ATXN7L3: variants seen among roughly 807,000 people sequenced by gnomAD.
ATXN7L3 encodes ataxin-7-like protein 3.
A neutral mutation model predicts 50.0 loss-of-function variants in ATXN7L3; 6 were observed. The ratio of observed to expected loss-of-function variants is 0.12; its 90% confidence interval spans 0.07 to 0.24. The LOEUF (loss-of-function observed/expected upper bound fraction) is 0.24. Ranked by LOEUF, ATXN7L3 falls within the 10% of genes least tolerant of loss-of-function variation. The pLI, the probability that ATXN7L3 is intolerant of heterozygous loss-of-function variation, is 1.00. For synonymous variants in ATXN7L3, 198 were observed against 165.8 expected (o/e 1.19, Z -1.49); for missense variants, 322 against 451.3 (o/e 0.71, Z 2.60).
At chr17:44,194,729 C>A in intron 11 of ATXN7L3, 39 bp downstream of exon 11, 1 of 1,613,768 alleles carries the variant, frequency 6.2e-7, no homozygotes, top group Non-Finnish European at 8.5e-7. Flanking sequence ...ATCGCCCTAA[C>A]TGGTCACAAC....
rs371794161 is a variant in ATXN7L3 at position 44,195,420 on chromosome 17, G to A, written c.620C>T (p.Thr207Met). The change falls in exon 9 of 13, where the codon ACG becomes ATG. Residue 207 changes from threonine to methionine, a missense_variant and splice_region_variant. Transcript: ENST00000587097. Reference sequence around the variant, plus strand: ...TCTCTCTTGCTGGTCCTCCCTCACCGTGGTTAGCAGGCTGCGAAGCTCCTC... The same window carrying A: ...TCTCTCTTGCTGGTCCTCCCTCACCATGGTTAGCAGGCTGCGAAGCTCCTC... ...GPEELRSLLTTQCGVISEHTK... is the reference protein window; with the variant it reads ...GPEELRSLLTMQCGVISEHTK... 14 of 1,613,640 alleles carry A rather than the reference G, an allele frequency of 8.7e-6. No individual in the cohort carries two copies. The highest frequency in any genetic ancestry group is 4.0e-5 in the African/African-American group (3 of 74,874).
rs201297526 is a variant in ATXN7L3 at position 44,198,088 on chromosome 17, G to T, written c.-18C>A. On this transcript the variant is annotated 5_prime_UTR_variant, in exon 2 of 13. Coordinates refer to ENST00000587097, the MANE Select transcript of ATXN7L3 (RefSeq NM_001382309.1). ...ATTTTCATTTGTAAACTCTTGTGGA[G>T]ACGGCGCTCTGACTGCTCATAGCAC... The T allele has an allele frequency of 1.6e-4, 266 of 1,613,736 alleles. No homozygotes were observed. In the African/African-American group the frequency reaches 3.3e-3, roughly 20 times the overall value.
In ATXN7L3 at chr17:44,196,949, G is replaced by T; in HGVS notation, c.434C>A (p.Ser145Tyr). ...AGCACCTTTCTTCTCCGAGCCATAG[G>T]ACCAGTCGTTGTCATTGATGTCATC... ...DNDDINDNDW[S>Y]YGSEKKAKKR... Residue 145 changes from serine to tyrosine, a missense_variant, in exon 5 of 13, where the codon TCC (serine) becomes TAC (tyrosine). By Grantham distance (144) the Ser-to-Tyr change is moderately radical. Coordinates refer to ENST00000587097, the MANE Select transcript of ATXN7L3 (RefSeq NM_001382309.1). 2 of 1,613,542 alleles carry T rather than the reference G, an allele frequency of 1.2e-6. No individual in the cohort carries two copies. Among genetic ancestry groups the T allele is most frequent in the South Asian group, 1.1e-5 (1 of 91,026 alleles).
At chr17:44,195,908 T>C in intron 7 of ATXN7L3, 80 bp from the exon 8 acceptor site, 1 of 1,570,506 alleles carries the variant, frequency 6.4e-7, no homozygotes, top group Non-Finnish European at 8.7e-7. Context: ...AGAGAGGAAG[T>C]GGGGGTGACA....
At chr17:44,195,960 C>A in intron 7 of ATXN7L3, 74 bp downstream of exon 7, 1 of 1,569,976 alleles carries the variant, frequency 6.4e-7, no homozygotes, top group Non-Finnish European at 8.7e-7. Context: ...ATCCCCGGGC[C>A]CCACCTCCAC....
intron 1 of ATXN7L3, chr17:44,198,579 T>TG (rs1036209958): frequency 5.8e-5 from 9 of 154,312 alleles, no homozygotes; most frequent in East Asian, 3.8e-4. Flanking sequence ...GATGTCCACT[T>TG]GGGGGGGTAC....
At chr17:44,195,541 C>A (rs2285951) in intron 8 of ATXN7L3, 54 bp from the exon 9 acceptor site, 1 of 1,546,726 alleles carries the variant, frequency 6.5e-7, no homozygotes, top group African/African-American at 1.4e-5. Context: ...AAGAGAAGGA[C>A]AGGGGTGGAA....
chr17:44,195,968 C>A, intron 7 of ATXN7L3, 66 bp downstream of exon 7: 1 of 1,574,144 alleles, frequency 6.4e-7, no homozygotes, highest in Non-Finnish European at 8.7e-7. Context: ...GCCCCACCTC[C>A]ACCCCCCGGC....
chr17:44,194,167 A>G lies in ATXN7L3; in HGVS notation c.*96T>C, dbSNP rs2055794831. ...TGGCCCACCAAGCTTCCCAAGCCCC[A>G]ACCCCCAGCAGCCGTCCATTTGCCA... On this transcript the variant is annotated 3_prime_UTR_variant, in exon 13 of 13. Transcript: ENST00000587097. 2.0e-6 allele frequency: 3 copies of G among 1,497,668 alleles called. No homozygotes were observed. The highest frequency in any genetic ancestry group is 1.8e-6 in the Non-Finnish European group (2 of 1,113,004). The allele number at this position is 1,497,668 out of a possible 1,614,324, so 92.8% of individuals were successfully genotyped here. A position where few individuals can be genotyped will look rare whatever the true frequency, so the allele number is the denominator to read the frequency against.
At chr17:44,197,998 G>A (rs2055984215) in intron 2 of ATXN7L3, 22 bp downstream of exon 2, 2 of 1,609,912 alleles carry the variant, frequency 1.2e-6, no homozygotes, top group Non-Finnish European at 1.7e-6. Flanking sequence ...AGAACTGGAG[G>A]CACACGTGGG....
chr17:44,194,458 G>C lies in ATXN7L3; in HGVS notation c.896-47C>G, dbSNP rs374683470. On this transcript the variant is annotated intron_variant, in intron 12 of 12. Transcript: ENST00000587097. ...GGATGAGAGTATGGTTATGGCAGGA[G>C]AGGTGGCACCCCCATGGCTTTGGGC... 251 of 1,613,292 alleles carry C rather than the reference G, an allele frequency of 1.6e-4. 2 individuals carry two copies. In the Middle Eastern group the frequency reaches 3.0e-3, roughly 19 times the overall value.
In ATXN7L3 at chr17:44,198,003, C is replaced by T. The variant is rs2144491389; in HGVS notation, c.51+17G>A. On this transcript the variant is annotated intron_variant, in intron 2 of 12. Coordinates refer to ENST00000587097, the MANE Select transcript of ATXN7L3 (RefSeq NM_001382309.1). ...ATCAAGAGAAAGAACTGGAGGCACA[C>T]GTGGGGGAGCCCTCACCTCTAGTTT... The T allele has an allele frequency of 6.2e-6, 10 of 1,611,940 alleles. No individual in the cohort carries two copies. The highest frequency in any genetic ancestry group is 6.8e-6 in the Non-Finnish European group (8 of 1,178,268).
chr17:44,198,119 G>C lies in ATXN7L3; in HGVS notation c.-49C>G. 1.3e-6 allele frequency: 2 copies of C among 1,586,754 alleles called. No individual in the cohort carries two copies. Among genetic ancestry groups the C allele is most frequent in the Non-Finnish European group, 1.7e-6 (2 of 1,157,222 alleles). ...GCTCTGACTGCTCATAGCACAGCGG[G>C]CGGCAACACGGCTGCACACACGGGG... On this transcript the variant is annotated 5_prime_UTR_variant, in exon 2 of 13. Coordinates refer to ENST00000587097, the MANE Select transcript of ATXN7L3 (RefSeq NM_001382309.1).
chr17:44,194,496 G>C, intron 12 of ATXN7L3, 21 bp downstream of exon 12: 1 of 1,613,322 alleles, frequency 6.2e-7, no homozygotes, highest in Non-Finnish European at 8.5e-7. Flanking sequence ...AGAGCCCCTA[G>C]GGCCCAACTG....
In ATXN7L3 at chr17:44,194,833, C is replaced by G; in HGVS notation, c.672G>C (p.Leu224=). 6.2e-7 allele frequency: 1 copy of G among 1,614,128 alleles called. No individual in the cohort carries two copies. The highest frequency in any genetic ancestry group is 1.1e-5 in the South Asian group (1 of 91,068). ...EHTKKMCTRS[L]RCPQHTDEQR... ...GCTCATCTGTGTGCTGTGGGCAGCG[C>G]AGGGACCTGGTGGTGAGGCAAGGCA... Residue 224 remains leucine (L), a synonymous_variant, in exon 11 of 13, where the codon CTG becomes CTC. Transcript: ENST00000587097.
Position 44,191,943 on chromosome 17 carries a change from G to T in ATXN7L3, c.*2320C>A. ...ATCTCAAGACCACAGGACAGCGTGAGCCCCACCCCCCTCCCCCAATGACCC... is the reference window on the plus strand; with the variant it reads ...ATCTCAAGACCACAGGACAGCGTGATCCCCACCCCCCTCCCCCAATGACCC... On this transcript the variant is annotated 3_prime_UTR_variant, in exon 13 of 13. Transcript: ENST00000587097. 1 of 169,066 alleles carries T rather than the reference G, an allele frequency of 5.9e-6. No homozygotes were observed. 10.5% of individuals were successfully genotyped at this position (169,066 alleles called of 1,614,324 possible). A position where few individuals can be genotyped will look rare whatever the true frequency, so the allele number is the denominator to read the frequency against.
chr17:44,196,217 C>G (rs1456931415), intron 6 of ATXN7L3, 138 bp from the exon 7 acceptor site: 10 of 1,140,846 alleles, frequency 8.8e-6, no homozygotes, highest in Non-Finnish European at 1.3e-5. Flanking sequence ...CCTGTCTACC[C>G]ATGTGCCCTC....
chr17:44,198,108 T>A lies in ATXN7L3; in HGVS notation c.-38A>T. The A allele has an allele frequency of 6.2e-7, 1 of 1,604,492 alleles. No individual in the cohort carries two copies. The highest frequency in any genetic ancestry group is 8.5e-7 in the Non-Finnish European group (1 of 1,172,258). ...GTGGAGACGGCGCTCTGACTGCTCA[T>A]AGCACAGCGGGCGGCAACACGGCTG... On this transcript the variant is annotated 5_prime_UTR_variant, in exon 2 of 13. An upstream start codon of the reference 5' UTR is lost. Transcript: ENST00000587097.
chr17:44,196,342 G>A (rs1378264459), intron 6 of ATXN7L3, 54 bp downstream of exon 6: 24 of 1,607,254 alleles, frequency 1.5e-5, no homozygotes, highest in Non-Finnish European at 1.9e-5. Context: ...TGCCCAAAGG[G>A]GAGGGTATCT....
Sources: allele counts gnomAD v4.1 joint callset, GRCh38; gene constraint gnomAD v4.1.1; transcripts MANE v1.5; gene names NCBI Gene and HGNC (gene_info 2026-07-23, HGNC 2026-07-21).